ZFYVE21: variants seen among roughly 807,000 people sequenced by gnomAD.
ZFYVE21 encodes zinc finger FYVE domain-containing protein 21.
ZFYVE21 carries 21 observed loss-of-function variants against 29.5 expected under a neutral mutation model. The observed-to-expected ratio is 0.71, with a 90% CI of 0.50 to 1.02. The LOEUF is 1.02. Ranked by LOEUF, ZFYVE21 falls within the 50% of genes least tolerant of loss-of-function variation. The probability of loss-of-function intolerance (pLI) is 0.00; values close to 1 mark genes in which losing one functional copy is unlikely to be tolerated. For synonymous variants in ZFYVE21, 151 were observed against 133.8 expected (o/e 1.13, Z -0.89); for missense variants, 326 against 335.4 (o/e 0.97, Z 0.22).
At position 103,732,994 on chromosome 14, in the gene ZFYVE21, C is replaced by T; in HGVS notation, c.681C>T (p.Leu227=). Residue 227 remains leucine, a synonymous_variant, in exon 7 of 7, where the codon CTC becomes CTT. Transcript: ENST00000311141. ...TGTCTGATCTGCAGGCTGCCAAGCT[C>T]CTCTATGAATCTCGGGACCAGTAAC... ...WLVAMHKAAK[L]LYESRDQ is the part of the protein sequence containing the mutation. 1.2e-6 allele frequency: 2 copies of T among 1,614,148 alleles called. No homozygotes were observed. Among genetic ancestry groups the T allele is most frequent in the Non-Finnish European group, 1.7e-6 (2 of 1,180,042 alleles).
At chr14:103,728,039 C>A in intron 3 of ZFYVE21, 125 bp downstream of exon 3, 2 of 1,049,692 alleles carry the variant, frequency 1.9e-6, no homozygotes. Flanking sequence ...TCCCTCCCTT[C>A]CCCGTTTTCT....
At chr14:103,725,458 C>A (rs906258423) in intron 1 of ZFYVE21, 2 of 152,330 alleles carry the variant, frequency 1.3e-5, no homozygotes, top group African/African-American at 4.8e-5. Flanking sequence ...AGGCCACGCT[C>A]CATTTGGGGC....
At chr14:103,720,368 G>GT in intron 1 of ZFYVE21, among the ~76,000 whole-genome samples, 1 of 152,232 alleles carries the variant, frequency 6.6e-6, no homozygotes, top group East Asian at 1.9e-4. Flanking sequence ...CATTTAAATT[G>GT]TTTTTTGATT....
At position 103,716,213 on chromosome 14, in the gene ZFYVE21, G is replaced by A. The variant is rs2083806910; in HGVS notation, c.138+234G>A. On this transcript the variant is annotated intron_variant, in intron 1 of 6. Transcript: ENST00000311141. This position sits in a 1 kb window ranked among gnomAD's most constrained non-coding sequence, Gnocchi z 4.8. Reference sequence around the variant, plus strand: ...GTGTCCCGGTGCGGGGGTCCCGGGAGGGCAGGAGGCACCTGTCCAGGGCGG... The same window carrying A: ...GTGTCCCGGTGCGGGGGTCCCGGGAAGGCAGGAGGCACCTGTCCAGGGCGG... Among the ~76,000 whole-genome samples, 1 of 151,950 alleles carries A rather than the reference G, an allele frequency of 6.6e-6. No individual in the cohort carries two copies.
chr14:103,725,033 G>A (rs893229675), intron 1 of ZFYVE21: 34 of 152,260 alleles, frequency 2.2e-4, no homozygotes, highest in African/African-American at 8.0e-4. Context: ...CGTGGCAAAA[G>A]TGTCCCTCAC....
Position 103,733,134 on chromosome 14 carries a change from A to T in ZFYVE21, c.*116A>T. The T allele has an allele frequency of 2.2e-6, 3 of 1,368,368 alleles. No homozygotes were observed. Among genetic ancestry groups the T allele is most frequent in the Non-Finnish European group, 3.1e-6 (3 of 972,286 alleles). The allele number at this position is 1,368,368 out of a possible 1,614,324, so 84.8% of individuals were successfully genotyped here. A position where few individuals can be genotyped will look rare whatever the true frequency, so the allele number is the denominator to read the frequency against. On this transcript the variant is annotated 3_prime_UTR_variant, in exon 7 of 7. Coordinates refer to ENST00000311141, the MANE Select transcript of ZFYVE21 (RefSeq NM_024071.4). ...TAATCCTGCTTGTGCTGGGAAATGC[A>T]ACTCACTCATGTATTTGGAGAAACA... is the stretch of plus-strand genomic sequence containing the variant.
chr14:103,723,612 A>G (rs8004709), intron 1 of ZFYVE21, among the ~76,000 whole-genome samples: 4,374 of 152,234 alleles, frequency 0.029, 199 homozygotes, highest in African/African-American at 0.1. Flanking sequence ...GTGGGTCGCG[A>G]CGGGCCAGTC....
chr14:103,729,557 C>T (rs1383603635), intron 5 of ZFYVE21: 1 of 601,140 alleles, frequency 1.7e-6, no homozygotes, highest in Admixed American at 3.2e-5. Context: ...GGAGCCAGCA[C>T]TTCAGCCCTC....
At position 103,715,850 on chromosome 14, in the gene ZFYVE21, C is replaced by G; in HGVS notation, c.9C>G (p.Ser3=). Residue 3 remains serine, a synonymous_variant, in exon 1 of 7, where the codon TCC becomes TCG. Coordinates refer to ENST00000311141, the MANE Select transcript of ZFYVE21 (RefSeq NM_024071.4). ...GAGGCTGAGGCGGCGTCATGTCCTC[C>G]GAGGTGTCCGCGCGCCGCGACGCCA... MS[S]EVSARRDAKK... is the part of the protein sequence containing the mutation. The G allele has an allele frequency of 7.0e-7, 1 of 1,419,580 alleles. No homozygotes were observed. Among genetic ancestry groups the G allele is most frequent in the Non-Finnish European group, 9.2e-7 (1 of 1,082,082 alleles). The allele number at this position is 1,419,580 out of a possible 1,614,324, so 87.9% of individuals were successfully genotyped here.
chr14:103,717,390 G>A (rs951880680), intron 1 of ZFYVE21, among the ~76,000 whole-genome samples: 14 of 152,214 alleles, frequency 9.2e-5, no homozygotes, highest in South Asian at 4.1e-4. Context: ...TAAGGAGCAC[G>A]TGAGAAAGTG....
intron 3 of ZFYVE21, chr14:103,728,655 T>G: frequency 4.1e-6 from 2 of 483,166 alleles, no homozygotes; most frequent in Non-Finnish European, 7.4e-6. Context: ...GTTTGAAGGA[T>G]GTAAAAGAAT....
intron 1 of ZFYVE21, among the ~76,000 whole-genome samples, chr14:103,720,435 G>A (rs1286599665): frequency 6.6e-6 from 1 of 152,210 alleles, no homozygotes; most frequent in Non-Finnish European, 1.5e-5. Context: ...CCAGCCAGTG[G>A]GTGACGCTTC....
chr14:103,728,158 G>C, intron 3 of ZFYVE21: 1 of 435,484 alleles, frequency 2.3e-6, no homozygotes, highest in Non-Finnish European at 4.0e-6. Flanking sequence ...AGGTGGGAGG[G>C]GAGGCCCTGG....
At chr14:103,722,304 G>A (rs369385362) in intron 1 of ZFYVE21, among the ~76,000 whole-genome samples, 3 of 150,682 alleles carry the variant, frequency 2.0e-5, no homozygotes, top group East Asian at 3.9e-4. Flanking sequence ...ATAAACTTCT[G>A]GATCACTTAT....
intron 1 of ZFYVE21, among the ~76,000 whole-genome samples, chr14:103,719,789 C>A (rs1043908166): frequency 6.6e-6 from 1 of 152,066 alleles, no homozygotes; most frequent in Non-Finnish European, 1.5e-5. Context: ...GGGACACCAG[C>A]GAGCTCCTCA....
chr14:103,726,615 T>C, intron 1 of ZFYVE21, 177 bp from the exon 2 acceptor site: 1 of 764,510 alleles, frequency 1.3e-6, no homozygotes, highest in East Asian at 2.5e-5. Flanking sequence ...GCATTGGCTC[T>C]GGAGCCTGGG....
intron 1 of ZFYVE21, chr14:103,726,517 CG>C: frequency 2.3e-6 from 1 of 426,290 alleles, no homozygotes; most frequent in African/African-American, 2.0e-5. Context: ...TGCTCTGCTG[CG>C]AGACAGTCAA....
At chr14:103,718,993 G>A (rs140892966) in intron 1 of ZFYVE21, among the ~76,000 whole-genome samples, 3 of 152,352 alleles carry the variant, frequency 2.0e-5, no homozygotes, top group Non-Finnish European at 4.4e-5. Flanking sequence ...GGGTCTCACA[G>A]GCCAGGCCGG....
intron 1 of ZFYVE21, among the ~76,000 whole-genome samples, chr14:103,723,254 C>T (rs1296961230): frequency 6.6e-6 from 1 of 152,194 alleles, no homozygotes; most frequent in African/African-American, 2.4e-5. Flanking sequence ...AAGGGGCCAC[C>T]ACACAGAGGC....
Sources: allele counts gnomAD v4.1 joint callset (sites outside exome capture counted in the v4.1 genomes callset), GRCh38; gene constraint gnomAD v4.1.1; non-coding constraint Gnocchi (gnomAD v3.1); transcripts MANE v1.5; gene names NCBI Gene and HGNC (gene_info 2026-07-23, HGNC 2026-07-21).